ARAP1: variants seen among roughly 807,000 people sequenced by gnomAD.
ARAP1 encodes arf-GAP with Rho-GAP domain, ANK repeat and PH domain-containing protein 1.
Under a neutral mutation model 172.2 loss-of-function variants are expected in ARAP1, and 76 were observed. The observed-to-expected ratio is 0.44, with a 90% confidence interval of 0.37 to 0.53. The LOEUF (loss-of-function observed/expected upper bound fraction) is 0.53, where lower values mean the gene tolerates loss of function less well. ARAP1 is among the 20% of genes least tolerant of loss of function. The probability of loss-of-function intolerance (pLI) is 0.00; values close to 1 mark genes in which losing one functional copy is unlikely to be tolerated. For missense variants in ARAP1, 1,686 were observed against 1,977.5 expected, an observed-to-expected ratio of 0.85 and a Z score of 2.80; for synonymous variants, 804 against 803.3, an observed-to-expected ratio of 1.00 and a Z score of -0.01.
chr11:72,741,066 T>TCTGGCCCCACCACATACCC lies in ARAP1; in HGVS notation c.-127-8488_-127-8470dup, dbSNP rs58882407. Reference sequence around the variant, plus strand: ...AAAAGCCTATCACATACTATGCCCCTCTGGCCCCACCACATACCCCCGACC... The same window carrying TCTGGCCCCACCACATACCC: ...AAAAGCCTATCACATACTATGCCCCTCTGGCCCCACCACATACCCCTGGCCCCACCACATACCCCCGACC... On this transcript the variant is annotated intron_variant, in intron 1 of 34. Transcript: ENST00000393609. This position sits in a 1 kb window ranked among gnomAD's most constrained non-coding sequence, Gnocchi z 4.5. 0.15 allele frequency among the ~76,000 whole-genome samples: 23,038 copies of TCTGGCCCCACCACATACCC among 151,522 alleles called. 2,430 individuals are homozygous for TCTGGCCCCACCACATACCC. The highest frequency in any genetic ancestry group is 0.3 in the African/African-American group (12,213 of 41,110).
At position 72,693,176 on chromosome 11, in the gene ARAP1, G is replaced by A; in HGVS notation, c.3954+149C>T. 8.1e-7 allele frequency: 1 copy of A among 1,238,168 alleles called. No homozygotes were observed. Among genetic ancestry groups the A allele is most frequent in the Non-Finnish European group, 1.1e-6 (1 of 908,266 alleles). The allele number at this position is 1,238,168 out of a possible 1,614,324, so 76.7% of individuals were successfully genotyped here. A position where few individuals can be genotyped will look rare whatever the true frequency, so the allele number is the denominator to read the frequency against. On this transcript the variant is annotated intron_variant, in intron 29 of 34. Transcript: ENST00000393609. This position sits in a 1 kb window ranked among gnomAD's most constrained non-coding sequence, Gnocchi z 4.6. Reference sequence around the variant, plus strand: ...GCCGTCCAGGGCCACAGCAGGAGGGGTCTTGAGAGTCTACAGTTCTCCCCC... The same window carrying A: ...GCCGTCCAGGGCCACAGCAGGAGGGATCTTGAGAGTCTACAGTTCTCCCCC...
At chr11:72,686,853 A>G (rs972035488) in intron 33 of ARAP1, among the ~76,000 whole-genome samples, 1 of 148,962 alleles carries the variant, frequency 6.7e-6, no homozygotes, top group Admixed American at 6.6e-5. Context: ...TGCCACCCCC[A>G]CCCCCGCCAG....
intron 30 of ARAP1, among the ~76,000 whole-genome samples, chr11:72,690,698 G>A (rs184326005): frequency 6.6e-6 from 1 of 152,334 alleles, no homozygotes; most frequent in Non-Finnish European, 1.5e-5. Context: ...TTTCTAATCA[G>A]ACGGCTCATG....
intron 33 of ARAP1, 96 bp downstream of exon 33, chr11:72,687,336 TGAAGCAA>T: frequency 7.0e-7 from 1 of 1,430,978 alleles, no homozygotes; most frequent in Non-Finnish European, 9.8e-7. Flanking sequence ...AAAATCTCCT[TGAAGCAA>T]GGGGTGGGTT....
rs1049127431 is a variant in ARAP1, at chr11:72,722,319, AAC to A, written c.509+4299_509+4300del. 136 of 985,546 alleles carry A rather than the reference AAC, an allele frequency of 1.4e-4. 1 individual carries two copies. In the African/African-American group the frequency reaches 2.1e-3, roughly 15 times the overall value. 61.1% of individuals were successfully genotyped at this position (985,546 alleles called of 1,614,324 possible). ...TCCCCCACCTCCTGCAGCCGTGGCC[AAC>A]ACACACACTTCCTGAAAACACTGAG... On this transcript the variant is annotated intron_variant, in intron 3 of 34. Transcript: ENST00000393609.
chr11:72,703,415 G>GGGGTGGGGGGGGGGGGGGGGGGC (rs1856600829), intron 14 of ARAP1: 1 of 145,218 alleles, frequency 6.9e-6, no homozygotes, highest in African/African-American at 2.9e-5. Flanking sequence ...AGCCGGGGGG[G>GGGGTGGGGGGGGGGGGGGGGGGC]GGGTGTGCTT....
chr11:72,744,053 T>C (rs1292566620), intron 1 of ARAP1, among the ~76,000 whole-genome samples: 1 of 152,104 alleles, frequency 6.6e-6, no homozygotes, highest in Non-Finnish European at 1.5e-5. Flanking sequence ...CTAGAACATC[T>C]TTCTCTACCT....
chr11:72,689,172 C>T (rs1193939083), intron 30 of ARAP1, among the ~76,000 whole-genome samples: 1 of 152,176 alleles, frequency 6.6e-6, no homozygotes, highest in Non-Finnish European at 1.5e-5. Flanking sequence ...GGTCAGGAAG[C>T]GAGAGACCAA....
intron 1 of ARAP1, among the ~76,000 whole-genome samples, chr11:72,744,789 G>T (rs1224649177): frequency 6.6e-6 from 1 of 152,174 alleles, no homozygotes; most frequent in Admixed American, 6.5e-5. Flanking sequence ...TGAGAAATGT[G>T]GGTTTTCAGG....
At chr11:72,703,415 G>GGGGAGC (rs71469439) in intron 14 of ARAP1, 4 of 145,314 alleles carry the variant, frequency 2.8e-5, no homozygotes, top group Non-Finnish European at 5.8e-5. Context: ...AGCCGGGGGG[G>GGGGAGC]GGGTGTGCTT....
chr11:72,721,951 G>C, intron 3 of ARAP1: 3 of 986,492 alleles, frequency 3.0e-6, no homozygotes, highest in Non-Finnish European at 3.6e-6. Context: ...TGCAAGCCTG[G>C]GTCCCGCCTG....
At chr11:72,717,270 A>C (rs1001538667) in intron 3 of ARAP1, among the ~76,000 whole-genome samples, 1 of 152,140 alleles carries the variant, frequency 6.6e-6, no homozygotes, top group Non-Finnish European at 1.5e-5. Context: ...GGCGCCTTGG[A>C]AACCCGGCCT....
chr11:72,721,486 A>C (rs1857508193), intron 3 of ARAP1, among the ~76,000 whole-genome samples: 1 of 152,096 alleles, frequency 6.6e-6, no homozygotes, highest in African/African-American at 2.4e-5. Flanking sequence ...GGTGATCAGC[A>C]CCAGGCCCCC....
At chr11:72,702,869 A>G in intron 15 of ARAP1, 36 bp downstream of exon 15, 1 of 1,549,320 alleles carries the variant, frequency 6.5e-7, no homozygotes, top group Non-Finnish European at 8.7e-7. Flanking sequence ...CAGGCACTGC[A>G]CAGCCTGGTG....
At chr11:72,712,145 C>T (rs909464948) in intron 7 of ARAP1, 51 bp downstream of exon 7, 1 of 1,494,392 alleles carries the variant, frequency 6.7e-7, no homozygotes. Flanking sequence ...CTGGACACTG[C>T]CCCCCACCCC....
rs980479944 is a variant in ARAP1, at chr11:72,710,951, C to T, written c.1213+70G>A. The T allele has an allele frequency of 5.0e-6, 8 of 1,602,062 alleles. No homozygotes were observed. The African/African-American group carries it at 8.0e-5, about 16-fold the overall frequency. ...CAGATGCACCATGACTCTCTTCCCC[C>T]TCCTCTGCCCAAACTTCCAGTCTTC... On this transcript the variant is annotated intron_variant, in intron 9 of 34. Coordinates refer to ENST00000393609, the MANE Select transcript of ARAP1 (RefSeq NM_001040118.3). This position sits in a 1 kb window ranked among gnomAD's most constrained non-coding sequence, Gnocchi z 4.3.
intron 3 of ARAP1, 102 bp from the exon 4 acceptor site, chr11:72,714,423 C>T: frequency 8.7e-7 from 1 of 1,146,044 alleles, no homozygotes; most frequent in Non-Finnish European, 1.2e-6. Context: ...TCAGGCACTA[C>T]ACAAACTCAC....
In ARAP1 at chr11:72,695,600, C is replaced by A; in HGVS notation, c.3449G>T (p.Arg1150Leu). The change falls in exon 25 of 35, where the codon CGG (arginine) becomes CTG (leucine). Residue 1150 changes from arginine (R) to leucine (L), a missense_variant. Arg to Leu is a moderately radical substitution (Grantham distance 102). Around this residue, in one of 5 missense-constraint regions of ARAP1, gnomAD observed 379 missense variants for 500.1 expected, o/e 0.76. Coordinates refer to ENST00000393609, the MANE Select transcript of ARAP1 (RefSeq NM_001040118.3). The surrounding 1 kb of genome is among the most constrained non-coding windows in gnomAD (Gnocchi z 4.4). ...CTTCACAATGGCAGTGATCTCCTCC[C>A]GCTGCTTCCTGAGCTCTTCCTCATC... is the stretch of plus-strand genomic sequence containing the variant. ...SVDEEELRKQ[R>L]EEITAIVKMR... 6.2e-7 allele frequency: 1 copy of A among 1,614,118 alleles called. No homozygotes were observed. Among genetic ancestry groups the A allele is most frequent in the Non-Finnish European group, 8.5e-7 (1 of 1,180,040 alleles).
At chr11:72,694,627 T>C (rs1267596530) in intron 27 of ARAP1, among the ~76,000 whole-genome samples, 1 of 152,114 alleles carries the variant, frequency 6.6e-6, no homozygotes, top group Non-Finnish European at 1.5e-5. Flanking sequence ...GGATAGGGAC[T>C]GTGTGTGTGG....
Sources: gnomAD v4.1 joint callset for allele counts (sites outside exome capture counted in the v4.1 genomes callset) on GRCh38, gnomAD v4.1.1 for gene constraint, gnomAD v4.1.1 regional missense constraint, Gnocchi (gnomAD v3.1) non-coding constraint, MANE v1.5 for transcripts, NCBI Gene and HGNC (gene_info 2026-07-23, HGNC 2026-07-21) for gene names.